The following PNKP variants were observed in gnomAD, a reference collection of about 807,000 sequenced individuals.
PNKP encodes the protein bifunctional polynucleotide phosphatase/kinase.
PNKP carries 82 observed loss-of-function variants against 66.2 expected under a neutral mutation model. The observed-to-expected ratio is 1.24, with a 90% confidence interval of 1.04 to 1.49. PNKP has a LOEUF of 1.49. Among genes scored for constraint, PNKP ranks in the 40% most tolerant of loss-of-function variants. The pLI is 0.00. For synonymous variants in PNKP, 412 were observed against 298.9 expected (o/e 1.38, Z -3.90); for missense variants, 907 against 706.8 (o/e 1.28, Z -3.21).
intron 8 of PNKP, among the ~76,000 whole-genome samples, 159 bp downstream of exon 8, chr19:49,863,530 G>C (rs1183536598): frequency 6.6e-6 from 1 of 152,244 alleles, no homozygotes; most frequent in Non-Finnish European, 1.5e-5. Flanking sequence ...GAAAGCACTG[G>C]TCTCGTAAAC....
In PNKP at chr19:49,864,305, T is replaced by G; in HGVS notation, c.578+19A>C. On this transcript the variant is annotated intron_variant, in intron 5 of 16. Transcript: ENST00000322344. ...TGGACTCCAGGCCTCACTCACTCCCTTGTTTTGCCTCTTATCACCTCCAGT... is the reference window on the plus strand; with the variant it reads ...TGGACTCCAGGCCTCACTCACTCCCGTGTTTTGCCTCTTATCACCTCCAGT... 1 of 1,612,576 alleles carries G rather than the reference T, an allele frequency of 6.2e-7. No homozygotes were observed. The highest frequency in any genetic ancestry group is 8.5e-7 in the Non-Finnish European group (1 of 1,178,596).
At chr19:49,864,095 G>A in intron 6 of PNKP, 24 bp from the exon 7 acceptor site, 1 of 1,611,382 alleles carries the variant, frequency 6.2e-7, no homozygotes, top group Admixed American at 1.7e-5. Flanking sequence ...GGTGTCACCA[G>A]ACGCTCTGCT....
At chr19:49,862,302 G>C in intron 11 of PNKP, 21 bp from the exon 12 acceptor site, 1 of 1,553,994 alleles carries the variant, frequency 6.4e-7, no homozygotes, top group East Asian at 2.4e-5. Context: ...CGGGGGACAC[G>C]CGTGAGATGC....
chr19:49,861,694 A>T lies in PNKP; in HGVS notation c.1300T>A (p.Tyr434Asn), dbSNP rs1221459042. 3.9e-6 allele frequency: 6 copies of T among 1,547,268 alleles called. No homozygotes were observed. In the East Asian group the frequency reaches 1.2e-4, roughly 32 times the overall value. The change falls in exon 15 of 17, where the codon TAC becomes AAC. Residue 434 changes from tyrosine (Y) to asparagine (N), a missense_variant and splice_region_variant. Transcript: ENST00000322344. The part of the protein sequence containing the change: ...TNPDAASRAR[Y>N]VQCARAAGVP... ...CCCGCGGCTCGGGCACACTGGACGT[A>T]CCTGTGGGGGAAGGAGCTGGATGTG...
At position 49,861,809 on chromosome 19, in the gene PNKP, T is replaced by A; in HGVS notation, c.1261A>T (p.Ile421Phe). 2 of 1,581,808 alleles carry A rather than the reference T, an allele frequency of 1.3e-6. No individual in the cohort carries two copies. The highest frequency in any genetic ancestry group is 1.7e-6 in the Non-Finnish European group (2 of 1,167,334). The change falls in exon 14 of 17, where the codon ATC becomes TTC. Residue 421 changes from isoleucine to phenylalanine, a missense_variant. Ile to Phe is a conservative substitution (Grantham distance 21). Coordinates refer to ENST00000322344, the MANE Select transcript of PNKP (RefSeq NM_007254.4). ...GCGGCGTCTGGGTTTGTGTTGTCGA[T>A]GGCGACCCGTTTCCCTTGCTTCAGG... ...TALKQGKRVA[I>F]DNTNPDAASR...
intron 12 of PNKP, 21 bp downstream of exon 12, chr19:49,862,164 G>T (rs780501942): frequency 1.2e-6 from 2 of 1,612,970 alleles, no homozygotes; most frequent in South Asian, 1.1e-5. Flanking sequence ...CAGGGCACGC[G>T]CACAGGAACA....
In PNKP at chr19:49,861,825, T is replaced by C; in HGVS notation, c.1245A>G (p.Gln415=). The C allele has an allele frequency of 6.3e-7, 1 of 1,589,844 alleles. No individual in the cohort carries two copies. The highest frequency in any genetic ancestry group is 8.5e-7 in the Non-Finnish European group (1 of 1,170,738). The change falls in exon 14 of 17, where the codon CAA becomes CAG. Residue 415 remains glutamine, a synonymous_variant. Transcript: ENST00000322344. Reference sequence around the variant, plus strand: ...TGTTGTCGATGGCGACCCGTTTCCCTTGCTTCAGGGCTGTCTCACACGTGG... The same window carrying C: ...TGTTGTCGATGGCGACCCGTTTCCCCTGCTTCAGGGCTGTCTCACACGTGG... The part of the protein sequence containing the change: ...CVTTCETALK[Q]GKRVAIDNTN...
chr19:49,863,130 C>T (rs1054222670), intron 8 of PNKP, among the ~76,000 whole-genome samples: 2 of 152,222 alleles, frequency 1.3e-5, no homozygotes, highest in African/African-American at 2.4e-5. Flanking sequence ...GCCTCGCTGT[C>T]CCTAACTAGC....
In PNKP at chr19:49,862,073, C is replaced by G. The variant is rs1480890100; in HGVS notation, c.1159G>C (p.Val387Leu). Residue 387 changes from valine to leucine, a missense_variant, in exon 13 of 17, where the codon GTG becomes CTG. Val to Leu is a conservative substitution (Grantham distance 32). Transcript: ENST00000322344. ...TTCACGTGGACATATCCGGCCGACA[C>G]GAGGTGCTTCTTGAGAAAGGTGGAC... ...GKSTFLKKHL[V>L]SAGYVHVNRD... is the part of the protein sequence containing the mutation. 1 of 1,614,144 alleles carries G rather than the reference C, an allele frequency of 6.2e-7. No individual in the cohort carries two copies.
intron 3 of PNKP, 68 bp from the exon 4 acceptor site, chr19:49,865,494 C>A: frequency 8.3e-7 from 1 of 1,211,598 alleles, no homozygotes. Context: ...AATCAAATAC[C>A]CAGCGGAAAA....
At position 49,862,188 on chromosome 19, in the gene PNKP, C is replaced by T; in HGVS notation, c.1123G>A (p.Gly375Arg). The T allele has an allele frequency of 6.2e-7, 1 of 1,613,854 alleles. No homozygotes were observed. The highest frequency in any genetic ancestry group is 8.5e-7 in the Non-Finnish European group (1 of 1,179,850). ...CGCACAGGAACAGGACACTTACCCC[C>T]AGGGAATCCCACTGCGACAACCACC... is the stretch of plus-strand genomic sequence containing the variant. Reference protein sequence around the residue: ...PEVVVAVGFPGAGKSTFLKKH... With the variant: ...PEVVVAVGFPRAGKSTFLKKH... Residue 375 changes from glycine to arginine, a missense_variant, in exon 12 of 17, where the codon GGG (glycine) becomes AGG (arginine). Gly to Arg is a moderately radical substitution (Grantham distance 125). Transcript: ENST00000322344.
chr19:49,862,776 T>C, intron 8 of PNKP, 38 bp from the exon 9 acceptor site: 2 of 1,611,474 alleles, frequency 1.2e-6, no homozygotes, highest in African/African-American at 1.3e-5. Context: ...TTCCCACAAA[T>C]GTCCCCCCGC....
chr19:49,865,262 G>A lies in PNKP; in HGVS notation c.363C>T (p.Gly121=). ...TPESQPDTPP[G]TPLVSQDEKR... ...TCTCATCTTGGGACACCAGAGGGGTGCCAGGCGGAGTATCTGGCTGGGATT... is the reference window on the plus strand; with the variant it reads ...TCTCATCTTGGGACACCAGAGGGGTACCAGGCGGAGTATCTGGCTGGGATT... Residue 121 remains glycine (G), a synonymous_variant, in exon 4 of 17, where the codon GGC becomes GGT. Transcript: ENST00000322344. 1 of 1,614,194 alleles carries A rather than the reference G, an allele frequency of 6.2e-7. No homozygotes were observed. Among genetic ancestry groups the A allele is most frequent in the Non-Finnish European group, 8.5e-7 (1 of 1,180,006 alleles).
In PNKP at chr19:49,862,246, G is replaced by A. The variant is rs569834947; in HGVS notation, c.1065C>T (p.Pro355=). 3 of 1,609,760 alleles carry A rather than the reference G, an allele frequency of 1.9e-6. No individual in the cohort carries two copies. The highest frequency in any genetic ancestry group is 2.2e-5 in the South Asian group (2 of 90,368). ...TVSRSGPLCL[P]ESRALLSASP... ...TGGCGCTCAGGAGGGCCCTGGACTCGGGGAGGCAGAGAGGCCCTGAGCGGG... is the reference window on the plus strand; with the variant it reads ...TGGCGCTCAGGAGGGCCCTGGACTCAGGGAGGCAGAGAGGCCCTGAGCGGG... The change falls in exon 12 of 17, where the codon CCC becomes CCT. Residue 355 remains proline, a synonymous_variant. Coordinates refer to ENST00000322344, the MANE Select transcript of PNKP (RefSeq NM_007254.4).
At position 49,867,294 on chromosome 19, in the gene PNKP, A is replaced by T. The variant is rs1173923711; in HGVS notation, c.-13-77T>A. On this transcript the variant is annotated intron_variant, in intron 1 of 16. Transcript: ENST00000322344. The stretch of plus-strand genomic sequence containing the variant: ...GGAAGTCCCGCCTCCTCCCACATCC[A>T]CTAGAAAGTTTCCCCACCATTAACT... 3 of 1,416,300 alleles carry T rather than the reference A, an allele frequency of 2.1e-6. No individual in the cohort carries two copies. The Admixed American group carries it at 6.4e-5, about 30-fold the overall frequency. 87.7% of individuals were successfully genotyped at this position (1,416,300 alleles called of 1,614,324 possible).
At chr19:49,867,001 T>C (rs2074824998) in intron 2 of PNKP, 53 bp downstream of exon 2, 3 of 1,579,490 alleles carry the variant, frequency 1.9e-6, no homozygotes, top group South Asian at 1.1e-5. Flanking sequence ...TCCCTCTGGA[T>C]TGTTCCCGCT....
At chr19:49,862,821 T>C in intron 8 of PNKP, 83 bp from the exon 9 acceptor site, 1 of 1,413,942 alleles carries the variant, frequency 7.1e-7, no homozygotes, top group East Asian at 2.3e-5. Flanking sequence ...CTTCGCCTGG[T>C]CTGTGCCCCA....
At chr19:49,865,599 ATCT>A in intron 3 of PNKP, 173 bp from the exon 4 acceptor site, 8 of 508,326 alleles carry the variant, frequency 1.6e-5, no homozygotes, top group East Asian at 6.6e-5. Context: ...CCTTGTCCGA[ATCT>A]TTTTTTTTTT....
intron 6 of PNKP, 30 bp from the exon 7 acceptor site, chr19:49,864,101 C>G: frequency 6.2e-7 from 1 of 1,611,236 alleles, no homozygotes; most frequent in Non-Finnish European, 8.5e-7. Context: ...ACCAGACGCT[C>G]TGCTCACCAG....
Sources: gnomAD v4.1 joint callset for allele counts (sites outside exome capture counted in the v4.1 genomes callset) on GRCh38, gnomAD v4.1.1 for gene constraint, MANE v1.5 for transcripts, NCBI Gene and HGNC (gene_info 2026-07-23, HGNC 2026-07-21) for gene names.